IL6ST: variants seen among roughly 807,000 people sequenced by gnomAD.
IL6ST encodes the protein interleukin-6 receptor subunit beta.
IL6ST carries 24 observed loss-of-function variants against 91.3 expected under a neutral mutation model. The observed-to-expected ratio is 0.26, with a 90% CI of 0.19 to 0.37. IL6ST has a LOEUF of 0.37. Among genes scored for constraint, IL6ST ranks in the 10% least tolerant of loss-of-function variants. The pLI is 1.00. For missense variants in IL6ST, 914 were observed against 1,078.5 expected, an observed-to-expected ratio of 0.85 and a Z score of 2.14; for synonymous variants, 351 against 373.6, an observed-to-expected ratio of 0.94 and a Z score of 0.70.
chr5:55,957,558 G>T (rs1752067773), intron 8 of IL6ST, among the ~76,000 whole-genome samples: 1 of 152,044 alleles, frequency 6.6e-6, no homozygotes, highest in Non-Finnish European at 1.5e-5. Context: ...AACTAAAGAG[G>T]CATCACTCTT....
At chr5:55,964,647 A>C (rs1752536810) in intron 5 of IL6ST, among the ~76,000 whole-genome samples, 1 of 151,922 alleles carries the variant, frequency 6.6e-6, no homozygotes, top group African/African-American at 2.4e-5. Context: ...CAGAACCCTT[A>C]CTGTACCACA....
At chr5:55,991,647 A>G (rs1014841116) in intron 1 of IL6ST, among the ~76,000 whole-genome samples, 3 of 150,902 alleles carry the variant, frequency 2.0e-5, no homozygotes, top group Admixed American at 6.6e-5. Flanking sequence ...AAGGGTGAAT[A>G]ATAATGCCAA....
At chr5:55,954,742 G>A (rs1751852962) in intron 11 of IL6ST, 68 bp downstream of exon 11, 2 of 1,239,904 alleles carry the variant, frequency 1.6e-6, no homozygotes, top group South Asian at 1.5e-5. Context: ...AACACTATAA[G>A]CAAAAGAAAA....
intron 3 of IL6ST, among the ~76,000 whole-genome samples, chr5:55,974,632 G>A (rs919674616): frequency 6.6e-6 from 1 of 152,108 alleles, no homozygotes. Context: ...TTACAGGCGT[G>A]CGGCACTACC....
At chr5:55,947,625 G>C in intron 14 of IL6ST, 36 bp from the exon 15 acceptor site, 2 of 1,141,022 alleles carry the variant, frequency 1.8e-6, no homozygotes, top group South Asian at 1.4e-5. Context: ...AAAGAGGTGT[G>C]ATGGGAAATA....
intron 15 of IL6ST, among the ~76,000 whole-genome samples, chr5:55,946,273 G>A (rs915139106): frequency 6.6e-6 from 1 of 152,170 alleles, no homozygotes. Flanking sequence ...ATCCAAGATG[G>A]TGTAGCCACT....
At position 55,940,379 on chromosome 5, in the gene IL6ST, T is replaced by C. The variant is rs553147376; in HGVS notation, c.*703A>G. 4.3e-5 allele frequency: 9 copies of C among 208,714 alleles called. No homozygotes were observed. The highest frequency in any genetic ancestry group is 7.8e-5 in the Non-Finnish European group (8 of 102,398). The allele number at this position is 208,714 out of a possible 1,614,324, so 12.9% of individuals were successfully genotyped here. A position where few individuals can be genotyped will look rare whatever the true frequency, so the allele number is the denominator to read the frequency against. On this transcript the variant is annotated 3_prime_UTR_variant, in exon 17 of 17. Transcript: ENST00000381298. ...ATCTTCAAAGAGGTTGTCAATAATA[T>C]GCAAATTTTTGAAAACTAGTGAGAT... is the stretch of plus-strand genomic sequence containing the variant.
intron 5 of IL6ST, among the ~76,000 whole-genome samples, chr5:55,964,657 A>G (rs1261941313): frequency 6.6e-6 from 1 of 152,140 alleles, no homozygotes; most frequent in Non-Finnish European, 1.5e-5. Flanking sequence ...ACTGTACCAC[A>G]AATTTCTTTA....
intron 11 of IL6ST, among the ~76,000 whole-genome samples, chr5:55,953,887 T>C (rs1751799692): frequency 2.0e-5 from 3 of 152,202 alleles, no homozygotes; most frequent in Non-Finnish European, 2.9e-5. Context: ...CTCCAGAGGA[T>C]GAGGCAGAAG....
In IL6ST at chr5:55,942,757, G is replaced by A. The variant is rs1390540282; in HGVS notation, c.1938-6C>T. The A allele has an allele frequency of 6.4e-7, 1 of 1,564,610 alleles. No individual in the cohort carries two copies. The highest frequency in any genetic ancestry group is 8.8e-7 in the Non-Finnish European group (1 of 1,138,396). Reference sequence around the variant, plus strand: ...GCCAGATGTGTTTTTTAATTCTGAAGAGAAAAGAAAAATGGCCTATGTAAA... The same window carrying A: ...GCCAGATGTGTTTTTTAATTCTGAAAAGAAAAGAAAAATGGCCTATGTAAA... On this transcript the variant is annotated splice_polypyrimidine_tract_variant and splice_region_variant and intron_variant, in intron 15 of 16. Coordinates refer to ENST00000381298, the MANE Select transcript of IL6ST (RefSeq NM_002184.4).
rs1750856250 is a variant in IL6ST, at chr5:55,940,822, C to G, written c.*260G>C. ...AATTTCAGATAAGCTTTCTGTTTTT[C>G]TTCAGTGCAAACATCCTGAAACAGC... On this transcript the variant is annotated 3_prime_UTR_variant, in exon 17 of 17. Coordinates refer to ENST00000381298, the MANE Select transcript of IL6ST (RefSeq NM_002184.4). 2.5e-6 allele frequency: 1 copy of G among 401,316 alleles called. No individual in the cohort carries two copies. The highest frequency in any genetic ancestry group is 2.1e-5 in the African/African-American group (1 of 48,758). 24.9% of individuals were successfully genotyped at this position (401,316 alleles called of 1,614,324 possible).
intron 1 of IL6ST, among the ~76,000 whole-genome samples, chr5:55,987,987 T>C (rs1185055174): frequency 1.3e-5 from 2 of 152,132 alleles, no homozygotes; most frequent in Admixed American, 1.3e-4. Context: ...GAAAATTAGC[T>C]GGTCGTGGTG....
chr5:55,988,947 TAAAAAATAAAA>T (rs933485335), intron 1 of IL6ST, among the ~76,000 whole-genome samples: 38 of 144,738 alleles, frequency 2.6e-4, no homozygotes, highest in Non-Finnish European at 3.8e-4. Context: ...CCCATCTCTA[TAAAAAATAAAA>T]AAAAAATAAA....
intron 14 of IL6ST, chr5:55,950,352 C>T (rs1370392762): frequency 3.0e-6 from 1 of 337,890 alleles, no homozygotes; most frequent in East Asian, 7.7e-5. Flanking sequence ...TCCCAGCCAA[C>T]ATGGTGAAAC....
In IL6ST at chr5:55,964,151, T is replaced by C; in HGVS notation, c.653A>G (p.Tyr218Cys). The C allele has an allele frequency of 4.4e-6, 7 of 1,586,802 alleles. No homozygotes were observed. The highest frequency in any genetic ancestry group is 6.0e-6 in the Non-Finnish European group (7 of 1,164,046). ...TSDHINFDPV[Y>C]KVKPNPPHNL... Reference sequence around the variant, plus strand: ...AAATTCAGGTTTATAACTACCTTTATATACAGGATCAAAATTGATATGATC... The same window carrying C: ...AAATTCAGGTTTATAACTACCTTTACATACAGGATCAAAATTGATATGATC... Residue 218 changes from tyrosine to cysteine, a missense_variant, in exon 6 of 17, where the codon TAT becomes TGT. Physicochemically the swap from Tyr to Cys is radical, Grantham distance 194. Transcript: ENST00000381298.
chr5:55,974,490 AT>A (rs11437778), intron 3 of IL6ST, among the ~76,000 whole-genome samples: 29 of 146,710 alleles, frequency 2.0e-4, no homozygotes, highest in South Asian at 4.3e-4. Flanking sequence ...CCAAGCTCAG[AT>A]TTTTTTTTTT....
intron 14 of IL6ST, among the ~76,000 whole-genome samples, chr5:55,948,566 ATATATT>A (rs1285181117): frequency 6.6e-6 from 1 of 151,998 alleles, no homozygotes; most frequent in Non-Finnish European, 1.5e-5. Flanking sequence ...GTGTATGTAT[ATATATT>A]TATGTGTGTA....
rs199878432 is a variant in IL6ST at position 55,951,460 on chromosome 5, T to G, written c.1840+4A>C. On this transcript the variant is annotated splice_donor_region_variant and intron_variant, in intron 14 of 16. Coordinates refer to ENST00000381298, the MANE Select transcript of IL6ST (RefSeq NM_002184.4). Reference sequence around the variant, plus strand: ...AAAAAAAACCAAACTTCATTATTTCTTACCAAACTTTGGGGTAGTAAAAGT... The same window carrying G: ...AAAAAAAACCAAACTTCATTATTTCGTACCAAACTTTGGGGTAGTAAAAGT... 1 of 1,605,280 alleles carries G rather than the reference T, an allele frequency of 6.2e-7. No individual in the cohort carries two copies. Among genetic ancestry groups the G allele is most frequent in the African/African-American group, 1.3e-5 (1 of 74,694 alleles).
chr5:55,971,938 T>C (rs1752990002), intron 3 of IL6ST, among the ~76,000 whole-genome samples: 1 of 152,216 alleles, frequency 6.6e-6, no homozygotes, highest in Non-Finnish European at 1.5e-5. Context: ...CTGTTATTTA[T>C]AAATGCCTAC....
Sources: gnomAD v4.1 joint callset for allele counts (sites outside exome capture counted in the v4.1 genomes callset) on GRCh38, gnomAD v4.1.1 for gene constraint, MANE v1.5 for transcripts, NCBI Gene and HGNC (gene_info 2026-07-23, HGNC 2026-07-21) for gene names.